SETBP1: variants seen among roughly 807,000 people sequenced by gnomAD.
The protein encoded by SETBP1 is SET binding protein 1.
SETBP1 carries 9 observed loss-of-function variants against 101.0 expected under a neutral mutation model. That is an observed-to-expected ratio of 0.09 (90% CI 0.05 to 0.16). The LOEUF is 0.16. Ranked by LOEUF, SETBP1 falls within the 10% of genes least tolerant of loss-of-function variation. SETBP1 has a pLI of 1.00. For missense variants in SETBP1, 1,858 were observed against 2,033.8 expected (o/e 0.91, Z 1.66); for synonymous variants, 818 against 788.5 (o/e 1.04, Z -0.63).
At chr18:44,906,364 C>G (rs2070175741) in intron 3 of SETBP1, among the ~76,000 whole-genome samples, 1 of 152,120 alleles carries the variant, frequency 6.6e-6, no homozygotes, top group Non-Finnish European at 1.5e-5. Flanking sequence ...TCTGTTTGTC[C>G]TTAGTGTTTG....
intron 4 of SETBP1, among the ~76,000 whole-genome samples, chr18:45,011,500 CCA>C (rs1200640945): frequency 2.0e-5 from 3 of 152,182 alleles, no homozygotes; most frequent in African/African-American, 4.8e-5. Flanking sequence ...CTTCCTTCAT[CCA>C]CAGAGTCTCA....
chr18:44,947,622 T>G (rs912106437), intron 3 of SETBP1, among the ~76,000 whole-genome samples: 17 of 150,724 alleles, frequency 1.1e-4, no homozygotes, highest in African/African-American at 4.1e-4. Context: ...TTCTCCTGCC[T>G]CAGCCTCCCA....
chr18:44,855,939 G>A (rs1023455661), intron 2 of SETBP1, among the ~76,000 whole-genome samples: 2 of 152,214 alleles, frequency 1.3e-5, no homozygotes, highest in Non-Finnish European at 2.9e-5. Flanking sequence ...TAAACAGGCT[G>A]TAGCGTGTGC....
rs576555507 is a variant in SETBP1 at position 44,753,016 on chromosome 18, G to A, written c.486+51184G>A. On this transcript the variant is annotated intron_variant, in intron 2 of 5. Transcript: ENST00000649279. ...AGATGAGGAAACCAAGACTTAGAGA[G>A]GATTAGTAACTTTCTCAAAGCTACT... Among the ~76,000 whole-genome samples the A allele has an allele frequency of 1.5e-4, 23 of 152,294 alleles. 2 individuals are homozygous for A. Among genetic ancestry groups the A allele is most frequent in the Admixed American group, 4.6e-4 (7 of 15,296 alleles).
In SETBP1 at chr18:44,805,162, T is replaced by C. The variant is rs76563441; in HGVS notation, c.487-64068T>C. ...GAGAGCTGATAGAGGAAGTTTTCTC[T>C]CTCTAGGGATTTAAATTAGGGATTT... On this transcript the variant is annotated intron_variant, in intron 2 of 5. Coordinates refer to ENST00000649279, the MANE Select transcript of SETBP1 (RefSeq NM_015559.3). Among the ~76,000 whole-genome samples, 527 of 152,252 alleles carry C rather than the reference T, an allele frequency of 3.5e-3. 7 individuals are homozygous for C. Among genetic ancestry groups the C allele is most frequent in the South Asian group, 0.031 (151 of 4,818 alleles).
At chr18:45,044,432 G>A (rs561702417) in intron 5 of SETBP1, among the ~76,000 whole-genome samples, 101 of 152,180 alleles carry the variant, frequency 6.6e-4, no homozygotes, top group Non-Finnish European at 9.7e-4. Flanking sequence ...ACTCCCTCCC[G>A]CAGCTCTGGG....
At chr18:44,761,558 C>T (rs1034253375) in intron 2 of SETBP1, among the ~76,000 whole-genome samples, 1 of 152,200 alleles carries the variant, frequency 6.6e-6, no homozygotes, top group Non-Finnish European at 1.5e-5. Context: ...ACATTCTTTA[C>T]AGCACCCTAC....
chr18:44,885,857 C>CAAAAA (rs1555696149), intron 3 of SETBP1, among the ~76,000 whole-genome samples: 1 of 78,166 alleles, frequency 1.3e-5, no homozygotes. Flanking sequence ...AAAAAAAAAA[C>CAAAAA]AAAAAAAAAA....
intron 2 of SETBP1, among the ~76,000 whole-genome samples, chr18:44,828,575 G>C (rs1264351608): frequency 6.6e-6 from 1 of 152,136 alleles, no homozygotes; most frequent in African/African-American, 2.4e-5. Context: ...AATATGAAGG[G>C]TCGTACAGAA....
intron 3 of SETBP1, chr18:44,871,831 AG>A (rs962343824): frequency 1.3e-5 from 2 of 152,168 alleles, no homozygotes; most frequent in Admixed American, 6.5e-5. Context: ...GTGTTTTAGC[AG>A]GTGGTGATCT....
intron 3 of SETBP1, among the ~76,000 whole-genome samples, chr18:44,915,954 A>C (rs1281021088): frequency 6.6e-6 from 1 of 152,136 alleles, no homozygotes; most frequent in Non-Finnish European, 1.5e-5. Context: ...GGCCACACAT[A>C]GTGACTCAGG....
chr18:44,699,814 A>T (rs1170563719), intron 1 of SETBP1, among the ~76,000 whole-genome samples: 2 of 152,192 alleles, frequency 1.3e-5, no homozygotes, highest in Admixed American at 6.5e-5. Flanking sequence ...TGGCTTCCTC[A>T]CAGGGCGTCA....
At chr18:44,934,450 G>A (rs1419288893) in intron 3 of SETBP1, among the ~76,000 whole-genome samples, 1 of 152,130 alleles carries the variant, frequency 6.6e-6, no homozygotes, top group African/African-American at 2.4e-5. Flanking sequence ...TGCCCAGCCT[G>A]TTTTCTCCAT....
chr18:44,693,757 C>A (rs554384703), intron 1 of SETBP1, among the ~76,000 whole-genome samples: 1 of 152,320 alleles, frequency 6.6e-6, no homozygotes, highest in South Asian at 2.1e-4. Context: ...AGTAGGATCA[C>A]ACTCCATCTT....
chr18:44,856,215 A>G (rs1055886934), intron 2 of SETBP1, among the ~76,000 whole-genome samples: 4 of 152,180 alleles, frequency 2.6e-5, no homozygotes, highest in Non-Finnish European at 5.9e-5. Context: ...GAACTTGTTA[A>G]GGGCTATTGC....
At chr18:44,873,587 G>A (rs1000410979) in intron 3 of SETBP1, among the ~76,000 whole-genome samples, 4 of 152,152 alleles carry the variant, frequency 2.6e-5, no homozygotes, top group African/African-American at 7.2e-5. Flanking sequence ...TTCCAGAGCA[G>A]GGGAAGCATG....
chr18:44,867,100 A>T (rs1473550093), intron 2 of SETBP1, among the ~76,000 whole-genome samples: 2 of 152,240 alleles, frequency 1.3e-5, no homozygotes, highest in Admixed American at 1.3e-4. Context: ...AGAAAATGTT[A>T]CTTAGCTTTC....
intron 3 of SETBP1, among the ~76,000 whole-genome samples, chr18:44,878,235 G>A (rs983056264): frequency 1.3e-5 from 2 of 152,164 alleles, no homozygotes; most frequent in Admixed American, 6.5e-5. Context: ...TAGCAACGAG[G>A]GAGTAGGAGT....
At chr18:45,001,693 A>G (rs1469091509) in intron 4 of SETBP1, among the ~76,000 whole-genome samples, 1 of 152,210 alleles carries the variant, frequency 6.6e-6, no homozygotes, top group Non-Finnish European at 1.5e-5. Flanking sequence ...TGAGCCTTGC[A>G]AAACTCCTGC....
Sources: gnomAD v4.1 joint callset for allele counts (sites outside exome capture counted in the v4.1 genomes callset) on GRCh38, gnomAD v4.1.1 for gene constraint, MANE v1.5 for transcripts, NCBI Gene and HGNC (gene_info 2026-07-23, HGNC 2026-07-21) for gene names.